Variants in SLC25A21 observed in about 807,000 individuals in gnomAD.
SLC25A21 encodes the protein mitochondrial 2-oxodicarboxylate carrier.
A neutral mutation model predicts 43.8 loss-of-function variants in SLC25A21; 47 were observed. The ratio of observed to expected loss-of-function variants is 1.07; its 90% CI spans 0.85 to 1.37. SLC25A21 has a LOEUF of 1.37. Ranked by LOEUF, SLC25A21 falls within the 40% of genes most tolerant of loss-of-function variation. The pLI is 0.00. For synonymous variants in SLC25A21, 131 were observed against 121.3 expected, an observed-to-expected ratio of 1.08 and a Z score of -0.52; for missense variants, 352 against 350.2, an observed-to-expected ratio of 1.00 and a Z score of -0.04.
intron 1 of SLC25A21, among the ~76,000 whole-genome samples, chr14:36,972,819 T>C (rs1160999609): frequency 6.6e-6 from 1 of 151,912 alleles, no homozygotes; most frequent in African/African-American, 2.4e-5. Flanking sequence ...CTTTTTTGTT[T>C]GTTTGGGTTT....
intron 1 of SLC25A21, among the ~76,000 whole-genome samples, chr14:37,060,038 C>T (rs1961910801): frequency 6.6e-6 from 1 of 151,940 alleles, no homozygotes; most frequent in Admixed American, 6.6e-5. Flanking sequence ...TAACTCTGTG[C>T]TATGGAATAA....
At chr14:36,688,122 T>C (rs1262616432) in intron 7 of SLC25A21, among the ~76,000 whole-genome samples, 1 of 152,218 alleles carries the variant, frequency 6.6e-6, no homozygotes, top group East Asian at 1.9e-4. Flanking sequence ...CTCCACGCTT[T>C]TCTTCAAACA....
chr14:36,884,121 A>G (rs911652300), intron 1 of SLC25A21, among the ~76,000 whole-genome samples: 4 of 152,134 alleles, frequency 2.6e-5, no homozygotes, highest in African/African-American at 9.7e-5. Context: ...CCTTTAATCA[A>G]CATCTCCCCT....
Position 36,887,854 on chromosome 14 carries a change from CT to C in SLC25A21, c.71-12851del, listed in dbSNP as rs567168303. On this transcript the variant is annotated intron_variant, in intron 1 of 9. Coordinates refer to ENST00000331299, the MANE Select transcript of SLC25A21 (RefSeq NM_030631.4). ...TCTATGGAATTAGTTTTCCTTTCTTCTTTGATTTAATTGCCTAAAAAGAAGC... is the reference window on the plus strand; with the variant it reads ...TCTATGGAATTAGTTTTCCTTTCTTCTTGATTTAATTGCCTAAAAAGAAGC... Among the ~76,000 whole-genome samples the C allele has an allele frequency of 1.3e-3, 196 of 152,202 alleles. 2 individuals are homozygous for C. The highest frequency in any genetic ancestry group is 3.9e-3 in the African/African-American group (161 of 41,550).
At chr14:37,047,333 T>G (rs547156306) in intron 1 of SLC25A21, among the ~76,000 whole-genome samples, 6 of 152,332 alleles carry the variant, frequency 3.9e-5, no homozygotes, top group African/African-American at 1.4e-4. Context: ...TGTTTTGAAA[T>G]GTACATTTTG....
chr14:37,032,359 C>T (rs10148351), intron 1 of SLC25A21, among the ~76,000 whole-genome samples: 4 of 151,558 alleles, frequency 2.6e-5, no homozygotes, highest in Non-Finnish European at 5.9e-5. Flanking sequence ...CACGGTGAAA[C>T]CCTGTCTCTA....
intron 1 of SLC25A21, among the ~76,000 whole-genome samples, chr14:36,877,665 G>A (rs1040378179): frequency 6.6e-6 from 1 of 152,136 alleles, no homozygotes; most frequent in Non-Finnish European, 1.5e-5. Context: ...GAGCAGGTGA[G>A]GGGTAGGGAA....
At chr14:36,764,829 C>G (rs1886353619) in intron 3 of SLC25A21, among the ~76,000 whole-genome samples, 1 of 152,190 alleles carries the variant, frequency 6.6e-6, no homozygotes, top group South Asian at 2.1e-4. Flanking sequence ...AGGTCCCCAG[C>G]AGGGTCTGTG....
At chr14:37,108,971 T>C (rs1191178949) in intron 1 of SLC25A21, among the ~76,000 whole-genome samples, 1 of 152,122 alleles carries the variant, frequency 6.6e-6, no homozygotes, top group Admixed American at 6.6e-5. Context: ...ACTTTCCTAC[T>C]CCTCTTTAAT....
chr14:36,881,144 C>A (rs976511334), intron 1 of SLC25A21, among the ~76,000 whole-genome samples: 2 of 152,178 alleles, frequency 1.3e-5, no homozygotes, highest in South Asian at 2.1e-4. Flanking sequence ...TGACTGCTTA[C>A]GTTTATCCCA....
At chr14:37,060,006 G>C (rs960974387) in intron 1 of SLC25A21, among the ~76,000 whole-genome samples, 1 of 151,980 alleles carries the variant, frequency 6.6e-6, no homozygotes, top group Admixed American at 6.6e-5. Flanking sequence ...ACTGAGATAA[G>C]AGAAATATTT....
At chr14:36,839,816 A>C (rs1889326584) in intron 2 of SLC25A21, among the ~76,000 whole-genome samples, 1 of 152,230 alleles carries the variant, frequency 6.6e-6, no homozygotes, top group Admixed American at 6.5e-5. Context: ...TAGGCTACAA[A>C]CCTATTCAGC....
At chr14:36,739,828 T>C (rs1885183849) in intron 3 of SLC25A21, among the ~76,000 whole-genome samples, 1 of 151,876 alleles carries the variant, frequency 6.6e-6, no homozygotes, top group East Asian at 1.9e-4. Flanking sequence ...GAGAGGTGAG[T>C]CCTCCTCCAG....
At chr14:36,883,789 T>C (rs1172599398) in intron 1 of SLC25A21, among the ~76,000 whole-genome samples, 2 of 152,198 alleles carry the variant, frequency 1.3e-5, no homozygotes, top group Non-Finnish European at 2.9e-5. Flanking sequence ...TCCACGATGA[T>C]AATTTTTTAA....
intron 1 of SLC25A21, among the ~76,000 whole-genome samples, chr14:37,031,071 C>G (rs766976969): frequency 2.6e-4 from 39 of 152,170 alleles, no homozygotes; most frequent in Non-Finnish European, 5.1e-4. Flanking sequence ...CCTCAGGACT[C>G]TAAAACAGAG....
intron 1 of SLC25A21, among the ~76,000 whole-genome samples, chr14:37,086,424 A>C (rs1387116407): frequency 6.6e-6 from 1 of 152,166 alleles, no homozygotes; most frequent in Non-Finnish European, 1.5e-5. Context: ...TGTTTGTGTA[A>C]TAGTCATGTT....
rs190290894 is a variant in SLC25A21 at position 36,758,444 on chromosome 14, T to C, written c.204-23871A>G. Reference sequence around the variant, plus strand: ...CAGGAGAGGGGCGTAGTGTTTCTTATGTTTATAATTCAGATGTCTCCAACA... The same window carrying C: ...CAGGAGAGGGGCGTAGTGTTTCTTACGTTTATAATTCAGATGTCTCCAACA... On this transcript the variant is annotated intron_variant, in intron 3 of 9. Coordinates refer to ENST00000331299, the MANE Select transcript of SLC25A21 (RefSeq NM_030631.4). Among the ~76,000 whole-genome samples the C allele has an allele frequency of 6.0e-4, 91 of 152,174 alleles. No homozygotes were observed. The East Asian group carries it at 0.01, about 17-fold the overall frequency.
chr14:37,057,111 A>T (rs1228066650), intron 1 of SLC25A21, among the ~76,000 whole-genome samples: 1 of 152,204 alleles, frequency 6.6e-6, no homozygotes, highest in African/African-American at 2.4e-5. Flanking sequence ...GGAATGCATT[A>T]TCATTTTCTT....
chr14:36,739,157 C>T (rs968002348), intron 3 of SLC25A21, among the ~76,000 whole-genome samples: 1 of 152,108 alleles, frequency 6.6e-6, no homozygotes, highest in African/African-American at 2.4e-5. Context: ...TAGAAGGAAG[C>T]AGGAAAGGCC....
Sources: gnomAD v4.1 joint callset for allele counts (sites outside exome capture counted in the v4.1 genomes callset) on GRCh38, gnomAD v4.1.1 for gene constraint, MANE v1.5 for transcripts, NCBI Gene and HGNC (gene_info 2026-07-23, HGNC 2026-07-21) for gene names.